The following PTPN4 variants were observed in gnomAD, a reference collection of about 807,000 sequenced individuals.
The protein encoded by PTPN4 is tyrosine-protein phosphatase non-receptor type 4.
PTPN4 carries 49 observed loss-of-function variants against 135.5 expected under a neutral mutation model. The ratio of observed to expected loss-of-function variants is 0.36; its 90% CI spans 0.29 to 0.46. The LOEUF (loss-of-function observed/expected upper bound fraction) is 0.46. Ranked by LOEUF, PTPN4 falls within the 20% of genes least tolerant of loss-of-function variation. The pLI, the probability that PTPN4 is intolerant of heterozygous loss-of-function variation, is 1.00. For synonymous variants in PTPN4, 333 were observed against 369.9 expected, an observed-to-expected ratio of 0.90 and a Z score of 1.14; for missense variants, 860 against 1,101.0, an observed-to-expected ratio of 0.78 and a Z score of 3.10.
At chr2:119,966,568 C>A (rs900776679) in intron 25 of PTPN4, among the ~76,000 whole-genome samples, 1 of 152,126 alleles carries the variant, frequency 6.6e-6, no homozygotes, top group South Asian at 2.1e-4. Flanking sequence ...GGTTCCACCT[C>A]CTAATATTAT....
At chr2:119,874,889 A>C (rs972056863) in intron 3 of PTPN4, among the ~76,000 whole-genome samples, 3 of 152,186 alleles carry the variant, frequency 2.0e-5, no homozygotes, top group Non-Finnish European at 4.4e-5. Flanking sequence ...ATACTTTCAG[A>C]AGCTATGTAT....
intron 2 of PTPN4, among the ~76,000 whole-genome samples, chr2:119,812,032 C>T (rs1676892127): frequency 6.6e-6 from 1 of 152,068 alleles, no homozygotes; most frequent in African/African-American, 2.4e-5. Context: ...CATCAAAAAA[C>T]TTAAGAGGAA....
At chr2:119,824,508 CTATCAAT>C in intron 2 of PTPN4, among the ~76,000 whole-genome samples, 1 of 152,114 alleles carries the variant, frequency 6.6e-6, no homozygotes, top group Admixed American at 6.6e-5. Context: ...TAACTTTGTT[CTATCAAT>C]TATCGAGAGA....
chr2:119,843,726 G>A (rs1166823380), intron 2 of PTPN4, among the ~76,000 whole-genome samples: 2 of 52,654 alleles, frequency 3.8e-5, no homozygotes, highest in South Asian at 8.6e-4. Flanking sequence ...CCTCCCGGAC[G>A]GGGTGGCTGG....
intron 2 of PTPN4, among the ~76,000 whole-genome samples, chr2:119,858,636 A>T: frequency 6.7e-6 from 1 of 149,892 alleles, no homozygotes; most frequent in African/African-American, 2.5e-5. Context: ...TTATTTTTTC[A>T]GTCTGTTTTT....
In PTPN4 at chr2:119,983,979, C is replaced by T. The variant is rs923069206; in HGVS notation, c.*6909C>T. ...CAAGTAAGTTTAAGGGAATAAAAGT[C>T]CCGACACTTTATATACATGTTGAGG... On this transcript the variant is annotated 3_prime_UTR_variant, in exon 27 of 27. Coordinates refer to ENST00000263708, the MANE Select transcript of PTPN4 (RefSeq NM_002830.4). Among the ~76,000 whole-genome samples the T allele has an allele frequency of 6.6e-6, 1 of 152,080 alleles. No homozygotes were observed. The highest frequency in any genetic ancestry group is 2.4e-5 in the African/African-American group (1 of 41,412).
intron 24 of PTPN4, among the ~76,000 whole-genome samples, chr2:119,964,505 T>C (rs763468386): frequency 4.6e-5 from 7 of 152,222 alleles, no homozygotes; most frequent in Non-Finnish European, 7.3e-5. Flanking sequence ...TTCATCTGCA[T>C]TGTGTGAGGA....
chr2:119,923,736 T>C (rs904398320), intron 12 of PTPN4, among the ~76,000 whole-genome samples: 4 of 152,098 alleles, frequency 2.6e-5, no homozygotes, highest in African/African-American at 9.7e-5. Context: ...AGAGTGAAGA[T>C]TAAATCCTCT....
intron 1 of PTPN4, among the ~76,000 whole-genome samples, chr2:119,788,993 C>T (rs1415051171): frequency 1.3e-5 from 2 of 152,136 alleles, no homozygotes; most frequent in African/African-American, 4.8e-5. Flanking sequence ...AGGAACAACT[C>T]TACTGTTTTC....
chr2:119,760,598 G>A (rs1022368501), intron 1 of PTPN4, among the ~76,000 whole-genome samples: 15 of 152,124 alleles, frequency 9.9e-5, no homozygotes, highest in African/African-American at 3.6e-4. Flanking sequence ...GCTTTTGCGG[G>A]GGTTATAGTT....
At chr2:119,783,155 G>A (rs540685750) in intron 1 of PTPN4, among the ~76,000 whole-genome samples, 39 of 152,204 alleles carry the variant, frequency 2.6e-4, no homozygotes, top group African/African-American at 8.9e-4. Flanking sequence ...TCACTCATTC[G>A]TATTCATTCA....
chr2:119,809,726 CTG>C (rs1691542731), intron 1 of PTPN4, 109 bp from the exon 2 acceptor site: 1 of 938,446 alleles, frequency 1.1e-6, no homozygotes, highest in South Asian at 2.2e-5. Context: ...AAATTTATAA[CTG>C]TTTTCCACCT....
intron 1 of PTPN4, among the ~76,000 whole-genome samples, chr2:119,776,186 A>C (rs921548909): frequency 6.6e-6 from 1 of 152,062 alleles, no homozygotes; most frequent in Admixed American, 6.6e-5. Flanking sequence ...TTATTTATTA[A>C]TTTTTTTGAG....
At chr2:119,944,830 T>A (rs1679109913) in intron 15 of PTPN4, among the ~76,000 whole-genome samples, 1 of 152,152 alleles carries the variant, frequency 6.6e-6, no homozygotes, top group Non-Finnish European at 1.5e-5. Flanking sequence ...TTTGTTATAA[T>A]AGATTAATAG....
chr2:119,982,781 T>A lies in PTPN4; in HGVS notation c.*5711T>A, dbSNP rs1390809063. 2.0e-5 allele frequency: 3 copies of A among 152,148 alleles called. No homozygotes were observed. The highest frequency in any genetic ancestry group is 2.0e-4 in the Admixed American group (3 of 15,256). 9.4% of individuals were successfully genotyped at this position (152,148 alleles called of 1,614,324 possible). On this transcript the variant is annotated 3_prime_UTR_variant, in exon 27 of 27. Coordinates refer to ENST00000263708, the MANE Select transcript of PTPN4 (RefSeq NM_002830.4). ...TGTGCCTAAGATTCATTACAGTGAG[T>A]ATGTGCAGAGGCCCCTGACCCAGTA...
chr2:119,956,691 A>G (rs754252951), intron 20 of PTPN4, among the ~76,000 whole-genome samples, 153 bp from the exon 21 acceptor site: 14 of 152,230 alleles, frequency 9.2e-5, no homozygotes, highest in Admixed American at 6.5e-4. Context: ...AATCTGGTTC[A>G]GTACTCTACT....
At chr2:119,769,911 T>G (rs1690703970) in intron 1 of PTPN4, among the ~76,000 whole-genome samples, 1 of 152,240 alleles carries the variant, frequency 6.6e-6, no homozygotes. Flanking sequence ...TATTTTGTTT[T>G]TAGTTAAATT....
chr2:119,871,485 T>TG (rs1677909184), intron 3 of PTPN4, among the ~76,000 whole-genome samples: 1 of 152,084 alleles, frequency 6.6e-6, no homozygotes, highest in Admixed American at 6.5e-5. Flanking sequence ...GAGAACCACT[T>TG]GCGCTCAGGA....
Position 119,981,057 on chromosome 2 carries a change from A to T in PTPN4, c.*3987A>T, listed in dbSNP as rs1209915977. 6.6e-6 allele frequency: 1 copy of T among 152,070 alleles called. No homozygotes were observed. Among genetic ancestry groups the T allele is most frequent in the Non-Finnish European group, 1.5e-5 (1 of 67,932 alleles). The allele number at this position is 152,070 out of a possible 1,614,324, so 9.4% of individuals were successfully genotyped here. On this transcript the variant is annotated 3_prime_UTR_variant, in exon 27 of 27. Coordinates refer to ENST00000263708, the MANE Select transcript of PTPN4 (RefSeq NM_002830.4). Reference sequence around the variant, plus strand: ...TATCTGTATTTTGAACATTTAAAATACTCTGATGGTAAGGTTGCCAAAGTA... The same window carrying T: ...TATCTGTATTTTGAACATTTAAAATTCTCTGATGGTAAGGTTGCCAAAGTA...
Sources: allele counts gnomAD v4.1 joint callset (sites outside exome capture counted in the v4.1 genomes callset), GRCh38; gene constraint gnomAD v4.1.1; transcripts MANE v1.5; gene names NCBI Gene and HGNC (gene_info 2026-07-23, HGNC 2026-07-21).